ADPRHL1: variants seen among roughly 807,000 people sequenced by gnomAD.
ADPRHL1 encodes ADP-ribosylhydrolase like 1, also known as inactive ADP-ribosyltransferase ARH2.
In ADPRHL1, 43 loss-of-function variants were observed where a neutral mutation model predicts 44.1. The ratio of observed to expected loss-of-function variants is 0.98; its 90% CI spans 0.76 to 1.26. The LOEUF (loss-of-function observed/expected upper bound fraction) is 1.26. Ranked by LOEUF, ADPRHL1 falls within the 50% of genes most tolerant of loss-of-function variation. The pLI is 0.00. For synonymous variants in ADPRHL1, 878 were observed against 1,017.4 expected, an observed-to-expected ratio of 0.86 and a Z score of 2.61; for missense variants, 2,022 against 2,496.9, an observed-to-expected ratio of 0.81 and a Z score of 4.05.
intron 4 of ADPRHL1, among the ~76,000 whole-genome samples, chr13:113,426,087 C>T (rs1595545691): frequency 6.6e-6 from 1 of 151,810 alleles, no homozygotes; most frequent in Non-Finnish European, 1.5e-5. Flanking sequence ...TGGCATGTTT[C>T]ATTACTCCTA....
rs2044094732 is a variant in ADPRHL1, at chr13:113,441,060, G to GGA, written c.379+3363_379+3364dup. Among the ~76,000 whole-genome samples, 1 of 152,110 alleles carries GGA rather than the reference G, an allele frequency of 6.6e-6. No homozygotes were observed. ...CCCAGCTACTTGGGAGGTGGAGGCA[G>GGA]GAGAATCAGCTGAACCCGGGAAGTA... On this transcript the variant is annotated intron_variant, in intron 2 of 7. Coordinates refer to ENST00000612156, the MANE Select transcript of ADPRHL1 (RefSeq NM_001394807.1). This position sits in a 1 kb window ranked among gnomAD's most constrained non-coding sequence, Gnocchi z 6.0.
At chr13:113,438,405 A>T (rs1290847492) in intron 2 of ADPRHL1, among the ~76,000 whole-genome samples, 1 of 152,110 alleles carries the variant, frequency 6.6e-6, no homozygotes, top group East Asian at 1.9e-4. Context: ...TTTTAAAAAA[A>T]TTTTATAGTT....
At chr13:113,446,688 T>C (rs1252701087) in intron 1 of ADPRHL1, among the ~76,000 whole-genome samples, 1 of 152,000 alleles carries the variant, frequency 6.6e-6, no homozygotes. Flanking sequence ...CACATGGTAT[T>C]GTCTGTCCTG....
chr13:113,414,366 G>T (rs1837955493), intron 7 of ADPRHL1, among the ~76,000 whole-genome samples: 1 of 152,136 alleles, frequency 6.6e-6, no homozygotes, highest in African/African-American at 2.4e-5. Context: ...CCCCTCTGCG[G>T]ATGAGCCTGG....
intron 7 of ADPRHL1, among the ~76,000 whole-genome samples, chr13:113,420,052 G>A (rs945470142): frequency 6.6e-6 from 1 of 151,448 alleles, no homozygotes; most frequent in South Asian, 2.1e-4. Context: ...CGTGTTATCT[G>A]GGTGGTTGGA....
At chr13:113,416,294 G>C (rs2043887126) in intron 7 of ADPRHL1, among the ~76,000 whole-genome samples, 1 of 152,080 alleles carries the variant, frequency 6.6e-6, no homozygotes, top group Non-Finnish European at 1.5e-5. Flanking sequence ...CCAAGGCCTT[G>C]ACCTGAACAT....
chr13:113,410,705 C>A (rs1366434872), intron 7 of ADPRHL1, among the ~76,000 whole-genome samples: 3 of 133,988 alleles, frequency 2.2e-5, no homozygotes, highest in Non-Finnish European at 4.7e-5. Flanking sequence ...CCCACACCCC[C>A]CTGAACCCAG....
At chr13:113,447,153 G>A (rs530104412) in intron 1 of ADPRHL1, among the ~76,000 whole-genome samples, 43 of 139,350 alleles carry the variant, frequency 3.1e-4, no homozygotes, top group Non-Finnish European at 4.1e-4. Context: ...TGTGCATGGC[G>A]TCTACACTCA....
chr13:113,437,415 C>G lies in ADPRHL1; in HGVS notation c.380-3548G>C, dbSNP rs1302733165. ...CAGGTGTACCCCGGGACCCAGCACC[C>G]AGGTGCAGAGTGAATGCCTCTGTTG... On this transcript the variant is annotated intron_variant, in intron 2 of 7. Coordinates refer to ENST00000612156, the MANE Select transcript of ADPRHL1 (RefSeq NM_001394807.1). Among the ~76,000 whole-genome samples the G allele has an allele frequency of 2.6e-5, 4 of 152,290 alleles. No homozygotes were observed. The East Asian group carries it at 7.7e-4, about 29-fold the overall frequency.
Position 113,447,594 on chromosome 13 carries a change from ATGTTG to A in ADPRHL1, c.215-3010_215-3006del, listed in dbSNP as rs368945980. On this transcript the variant is annotated intron_variant, in intron 1 of 7. Transcript: ENST00000612156. Reference sequence around the variant, plus strand: ...TTGTATGTGTATGGTGTCTACACACATGTTGTCTGCACACATGGTGTTGTGTGCAT... The same window carrying A: ...TTGTATGTGTATGGTGTCTACACACATCTGCACACATGGTGTTGTGTGCAT... Among the ~76,000 whole-genome samples, 6 of 72,578 alleles carry A rather than the reference ATGTTG, an allele frequency of 8.3e-5. No individual in the cohort carries two copies. In the South Asian group the frequency reaches 1.1e-3, roughly 13 times the overall value. The allele number at this position is 72,578 out of a possible 152,430, so 47.6% of individuals were successfully genotyped here. A position where few individuals can be genotyped will look rare whatever the true frequency, so the allele number is the denominator to read the frequency against.
At position 113,453,336 on chromosome 13, in the gene ADPRHL1, C is replaced by T. The variant is rs2044190606; in HGVS notation, c.102G>A (p.Gln34=). ...GGCCCCCGGAACGTTGCAGCTCCTC[C>T]TGGATCTTCATGCCTACAGTGCTGT... ...KENSTVGMKI[Q]EELQRSGGLD... Residue 34 remains glutamine (Q), a synonymous_variant, in exon 1 of 8, where the codon CAG becomes CAA. Coordinates refer to ENST00000612156, the MANE Select transcript of ADPRHL1 (RefSeq NM_001394807.1). This position sits in a 1 kb window ranked among gnomAD's most constrained non-coding sequence, Gnocchi z 5.4. 6.2e-7 allele frequency: 1 copy of T among 1,614,084 alleles called. No homozygotes were observed.
intron 1 of ADPRHL1, among the ~76,000 whole-genome samples, chr13:113,451,611 C>A (rs1215799018): frequency 1.3e-5 from 2 of 152,108 alleles, no homozygotes; most frequent in Non-Finnish European, 2.9e-5. Context: ...AGTTCGAGAC[C>A]AGCCTGGACA....
At chr13:113,450,947 G>A (rs2044173977) in intron 1 of ADPRHL1, among the ~76,000 whole-genome samples, 1 of 140,624 alleles carries the variant, frequency 7.1e-6, no homozygotes, top group Non-Finnish European at 1.5e-5. Flanking sequence ...CCTGGGGAAA[G>A]GGAGACCCCC....
chr13:113,406,365 C>T lies in ADPRHL1; in HGVS notation c.2917G>A (p.Asp973Asn), dbSNP rs961742065. The change falls in exon 8 of 8, where the codon GAT becomes AAT. Residue 973 changes from aspartate to asparagine, a missense_variant. Physicochemically the swap from Asp to Asn is conservative, Grantham distance 23 (BLOSUM62 1). Transcript: ENST00000612156. Reference sequence around the variant, plus strand: ...TCAGAGGTCCTCTCTCCTGAAATATCGTCAGGATTCCTGGGACCGTGTGAA... The same window carrying T: ...TCAGAGGTCCTCTCTCCTGAAATATTGTCAGGATTCCTGGGACCGTGTGAA... ...ENSHGPRNPD[D>N]ISGERTSELR... 1.1e-5 allele frequency: 14 copies of T among 1,231,968 alleles called. No individual in the cohort carries two copies. The highest frequency in any genetic ancestry group is 1.3e-5 in the Non-Finnish European group (13 of 987,970). The allele number at this position is 1,231,968 out of a possible 1,614,324, so 76.3% of individuals were successfully genotyped here. A position where few individuals can be genotyped will look rare whatever the true frequency, so the allele number is the denominator to read the frequency against.
intron 3 of ADPRHL1, 43 bp from the exon 4 acceptor site, chr13:113,429,135 G>C (rs956081591): frequency 6.3e-7 from 1 of 1,579,008 alleles, no homozygotes; most frequent in Non-Finnish European, 8.6e-7. Flanking sequence ...CACCTGGGCC[G>C]CTTGGGAGGG....
At chr13:113,423,343 G>C (rs1373268095) in intron 6 of ADPRHL1, among the ~76,000 whole-genome samples, 1 of 152,180 alleles carries the variant, frequency 6.6e-6, no homozygotes, top group Admixed American at 6.5e-5. Flanking sequence ...TGTGTGAAGC[G>C]GTGTTTCAGC....
chr13:113,441,163 A>G lies in ADPRHL1; in HGVS notation c.379+3262T>C, dbSNP rs2044095611. On this transcript the variant is annotated intron_variant, in intron 2 of 7. Coordinates refer to ENST00000612156, the MANE Select transcript of ADPRHL1 (RefSeq NM_001394807.1). The surrounding 1 kb of genome is among the most constrained non-coding windows in gnomAD (Gnocchi z 6.0). ...GCAAGACTCCATCTCAAAATTAAAA[A>G]GTTGTTTCTTATAAGCAGCACATAG... Among the ~76,000 whole-genome samples, 1 of 152,212 alleles carries G rather than the reference A, an allele frequency of 6.6e-6. No homozygotes were observed. The highest frequency in any genetic ancestry group is 2.4e-5 in the African/African-American group (1 of 41,458).
chr13:113,430,896 C>T (rs1411888204), intron 3 of ADPRHL1, among the ~76,000 whole-genome samples: 4 of 152,190 alleles, frequency 2.6e-5, no homozygotes, highest in African/African-American at 7.2e-5. Context: ...CCCCCGTTGC[C>T]GAGCCCTTGC....
chr13:113,404,416 T>C lies in ADPRHL1; in HGVS notation c.4866A>G (p.Ile1622Met), dbSNP rs2139591080. ...GTTCCTGAGCCCATTTCTGGGCCTT[T>C]ATCTGGGTCTGCCACTGGGCCTGTC... Reference protein sequence around the residue: ...AQGQAQWQTQIKAQKWAQEQT... With the variant: ...AQGQAQWQTQMKAQKWAQEQT... The change falls in exon 8 of 8, where the codon ATA becomes ATG. Residue 1622 changes from isoleucine to methionine, a missense_variant. Transcript: ENST00000612156. 3 of 1,323,350 alleles carry C rather than the reference T, an allele frequency of 2.3e-6. No homozygotes were observed. Among genetic ancestry groups the C allele is most frequent in the Non-Finnish European group, 9.6e-7 (1 of 1,044,140 alleles). 82.0% of individuals were successfully genotyped at this position (1,323,350 alleles called of 1,614,324 possible). A position where few individuals can be genotyped will look rare whatever the true frequency, so the allele number is the denominator to read the frequency against.
Sources: allele counts gnomAD v4.1 joint callset (sites outside exome capture counted in the v4.1 genomes callset), GRCh38; gene constraint gnomAD v4.1.1; non-coding constraint Gnocchi (gnomAD v3.1); transcripts MANE v1.5; gene names NCBI Gene and HGNC (gene_info 2026-07-23, HGNC 2026-07-21).